Variants in ATP9B observed in about 807,000 individuals in gnomAD.
The protein encoded by ATP9B is ATPase phospholipid transporting 9B.
Under a neutral mutation model 146.1 loss-of-function variants are expected in ATP9B, and 110 were observed. The observed-to-expected ratio is 0.75, with a 90% CI of 0.65 to 0.88. The LOEUF (loss-of-function observed/expected upper bound fraction) is 0.88. Ranked by LOEUF, ATP9B falls within the 40% of genes least tolerant of loss-of-function variation. ATP9B has a pLI of 0.00. For missense variants in ATP9B, 1,499 were observed against 1,496.4 expected, an observed-to-expected ratio of 1.00 and a Z score of -0.03; for synonymous variants, 604 against 569.7, an observed-to-expected ratio of 1.06 and a Z score of -0.86.
chr18:79,096,856 T>C (rs769139783), intron 2 of ATP9B, among the ~76,000 whole-genome samples: 13 of 152,100 alleles, frequency 8.5e-5, no homozygotes, highest in Non-Finnish European at 1.5e-4. Flanking sequence ...ACGAGAAGTT[T>C]TAATGGTTAA....
intron 2 of ATP9B, among the ~76,000 whole-genome samples, chr18:79,104,029 C>T (rs982228894): frequency 6.6e-6 from 1 of 152,106 alleles, no homozygotes; most frequent in Non-Finnish European, 1.5e-5. Context: ...TAAGAGCCAG[C>T]CCAGAAATTG....
In ATP9B at chr18:79,096,556, G is replaced by T; in HGVS notation, c.200G>T (p.Ser67Ile). 6.2e-7 allele frequency: 1 copy of T among 1,614,010 alleles called. No individual in the cohort carries two copies. The highest frequency in any genetic ancestry group is 8.5e-7 in the Non-Finnish European group (1 of 1,179,912). ...MSEEGFENEESDYHTLPRARI... is the reference protein window; with the variant it reads ...MSEEGFENEEIDYHTLPRARI... ...GAAGAAGGCTTTGAGAATGAGGAAA[G>T]TGATTACCACACCTTACCACGAGCC... Residue 67 changes from serine to isoleucine, a missense_variant, in exon 2 of 30, where the codon AGT becomes ATT. Transcript: ENST00000426216.
In ATP9B at chr18:79,310,216, G is replaced by A. The variant is rs1244117981; in HGVS notation, c.1773+2982G>A. 4.6e-5 allele frequency among the ~76,000 whole-genome samples: 7 copies of A among 152,310 alleles called. No individual in the cohort carries two copies. The East Asian group carries it at 7.7e-4, about 17-fold the overall frequency. The stretch of plus-strand genomic sequence containing the variant: ...GTGAGAATAGGGACAGACCGTAGCC[G>A]CCATGAGGAGGCGGAGCTGGCGTGT... On this transcript the variant is annotated intron_variant, in intron 15 of 29. Transcript: ENST00000426216.
In ATP9B at chr18:79,345,463, G is replaced by T; in HGVS notation, c.2508G>T (p.Glu836Asp). 1 of 1,613,986 alleles carries T rather than the reference G, an allele frequency of 6.2e-7. No homozygotes were observed. Among genetic ancestry groups the T allele is most frequent in the Non-Finnish European group, 8.5e-7 (1 of 1,180,044 alleles). Reference protein sequence around the residue: ...CLKYYEHEFVELACQCPAVVC... With the variant: ...CLKYYEHEFVDLACQCPAVVC... The stretch of plus-strand genomic sequence containing the variant: ...AGTACTACGAGCATGAATTTGTGGA[G>T]CTGGCCTGCCAGTGCCCTGCCGTGG... Residue 836 changes from glutamate to aspartate, a missense_variant, in exon 22 of 30, where the codon GAG (glutamate) becomes GAT (aspartate). Transcript: ENST00000426216.
chr18:79,173,069 G>A, intron 7 of ATP9B, among the ~76,000 whole-genome samples: 1 of 152,148 alleles, frequency 6.6e-6, no homozygotes, highest in Admixed American at 6.5e-5. Context: ...TGGTTTGCGT[G>A]TGCCGTTCCG....
intron 17 of ATP9B, among the ~76,000 whole-genome samples, chr18:79,332,178 C>A (rs931801281): frequency 6.6e-6 from 1 of 152,230 alleles, no homozygotes; most frequent in Admixed American, 6.5e-5. Context: ...GCCTGTAATG[C>A]CAGCACTTTG....
chr18:79,377,538 G>A lies in ATP9B; in HGVS notation c.*155G>A, dbSNP rs2148073569. 1.0e-6 allele frequency: 1 copy of A among 986,774 alleles called. No homozygotes were observed. The highest frequency in any genetic ancestry group is 2.6e-5 in the East Asian group (1 of 37,948). The allele number at this position is 986,774 out of a possible 1,614,324, so 61.1% of individuals were successfully genotyped here. A position where few individuals can be genotyped will look rare whatever the true frequency, so the allele number is the denominator to read the frequency against. On this transcript the variant is annotated 3_prime_UTR_variant, in exon 30 of 30. Coordinates refer to ENST00000426216, the MANE Select transcript of ATP9B (RefSeq NM_198531.5). ...GGCGAGCCCAGGGCACAGATGCTGAGACAGCCTCTCCTTCTCAGTGCAGGG... is the reference window on the plus strand; with the variant it reads ...GGCGAGCCCAGGGCACAGATGCTGAAACAGCCTCTCCTTCTCAGTGCAGGG...
intron 11 of ATP9B, among the ~76,000 whole-genome samples, chr18:79,227,069 T>C (rs1438385441): frequency 6.6e-6 from 1 of 152,212 alleles, no homozygotes; most frequent in African/African-American, 2.4e-5. Context: ...CTTTTTTTGG[T>C]GGGCTATAAC....
rs374572407 is a variant in ATP9B, at chr18:79,334,753, G to A, written c.2029-1875G>A. Among the ~76,000 whole-genome samples, 378 of 151,938 alleles carry A rather than the reference G, an allele frequency of 2.5e-3. 1 individual carries two copies. The highest frequency in any genetic ancestry group is 6.3e-3 in the South Asian group (30 of 4,798). Reference sequence around the variant, plus strand: ...CCTGGCCCCCAGGAGACCCACCGGCGCCCTCCCTCCCACATCTGCCCAGAC... The same window carrying A: ...CCTGGCCCCCAGGAGACCCACCGGCACCCTCCCTCCCACATCTGCCCAGAC... On this transcript the variant is annotated intron_variant, in intron 17 of 29. Coordinates refer to ENST00000426216, the MANE Select transcript of ATP9B (RefSeq NM_198531.5).
At position 79,307,096 on chromosome 18, in the gene ATP9B, G is replaced by C; in HGVS notation, c.1635G>C (p.Val545=). 6.2e-7 allele frequency: 1 copy of C among 1,614,224 alleles called. No individual in the cohort carries two copies. The highest frequency in any genetic ancestry group is 8.5e-7 in the Non-Finnish European group (1 of 1,180,046). ...TCAGTAGTCGAATCCATGAAGCCGT[G>C]AAAGCCATCGTGCTGTGTCACAACG... ...KSVSSRIHEA[V]KAIVLCHNVT... The change falls in exon 15 of 30, where the codon GTG becomes GTC. Residue 545 remains valine, a synonymous_variant. Transcript: ENST00000426216.
intron 11 of ATP9B, among the ~76,000 whole-genome samples, chr18:79,220,310 A>G (rs1205247551): frequency 1.3e-5 from 2 of 152,192 alleles, no homozygotes; most frequent in African/African-American, 4.8e-5. Context: ...CCTTCTTACA[A>G]ATATTTTCTG....
intron 15 of ATP9B, among the ~76,000 whole-genome samples, chr18:79,316,979 G>C (rs758997705): frequency 4.6e-5 from 7 of 152,200 alleles, no homozygotes; most frequent in Non-Finnish European, 8.8e-5. Flanking sequence ...ATGTTTATAA[G>C]AGAATATGAA....
intron 11 of ATP9B, among the ~76,000 whole-genome samples, chr18:79,243,444 G>A (rs1478820747): frequency 6.6e-6 from 1 of 152,220 alleles, no homozygotes; most frequent in East Asian, 1.9e-4. Flanking sequence ...TTTACATAGT[G>A]GTAGGTGCCA....
chr18:79,155,166 C>G (rs576103130), intron 7 of ATP9B, among the ~76,000 whole-genome samples: 2 of 152,242 alleles, frequency 1.3e-5, no homozygotes, highest in Admixed American at 1.3e-4. Flanking sequence ...AAGGGAGCAA[C>G]TTTCAAAGAG....
intron 1 of ATP9B, among the ~76,000 whole-genome samples, chr18:79,095,200 A>G (rs1459631163): frequency 2.6e-5 from 4 of 151,990 alleles, no homozygotes; most frequent in African/African-American, 7.2e-5. Context: ...CCCCTCACCA[A>G]CAAGCCTTTC....
At chr18:79,359,744 C>T in intron 26 of ATP9B, 1 of 355,808 alleles carries the variant, frequency 2.8e-6, no homozygotes, top group South Asian at 2.8e-5. Context: ...ATATTCTAAC[C>T]ATTTGTGGAA....
intron 15 of ATP9B, among the ~76,000 whole-genome samples, chr18:79,322,198 A>T (rs1193835304): frequency 6.6e-6 from 1 of 152,166 alleles, no homozygotes; most frequent in Non-Finnish European, 1.5e-5. Flanking sequence ...GTACTTAGTA[A>T]CATGCAGGAA....
Position 79,347,912 on chromosome 18 carries a change from T to A in ATP9B, c.2825T>A (p.Ile942Asn), listed in dbSNP as rs1258883313. 8 of 1,613,448 alleles carry A rather than the reference T, an allele frequency of 5.0e-6. No homozygotes were observed. The highest frequency in any genetic ancestry group is 6.8e-6 in the Non-Finnish European group (8 of 1,179,754). The change falls in exon 24 of 30, where the codon ATC becomes AAC. Residue 942 changes from isoleucine to asparagine, a missense_variant. By Grantham distance (149) the Ile-to-Asn change is moderately radical (BLOSUM62 -3). Transcript: ENST00000426216. ...GQFVMHRGLIISTMQAVFSSV... is the reference protein window; with the variant it reads ...GQFVMHRGLINSTMQAVFSSV... ...TTCGTCATGCACAGGGGCCTTATCA[T>A]CTCCACCATGCAGGTACTAAGCCTT...
intron 12 of ATP9B, among the ~76,000 whole-genome samples, chr18:79,275,397 A>G (rs1180381895): frequency 1.3e-5 from 2 of 152,324 alleles, no homozygotes; most frequent in South Asian, 4.1e-4. Context: ...GTTAATGTAA[A>G]TGTGTTTTCT....
Sources: allele counts gnomAD v4.1 joint callset (sites outside exome capture counted in the v4.1 genomes callset), GRCh38; gene constraint gnomAD v4.1.1; transcripts MANE v1.5; gene names NCBI Gene and HGNC (gene_info 2026-07-23, HGNC 2026-07-21).